The following RFX3 variants were observed in gnomAD, a reference collection of about 807,000 sequenced individuals.
The protein encoded by RFX3 is regulatory factor X3.
RFX3 carries 14 observed loss-of-function variants against 98.6 expected under a neutral mutation model. That is an observed-to-expected ratio of 0.14 (90% CI 0.09 to 0.22). The LOEUF (loss-of-function observed/expected upper bound fraction) is 0.22. Ranked by LOEUF, RFX3 falls within the 10% of genes least tolerant of loss-of-function variation. The probability of loss-of-function intolerance (pLI) is 1.00; values close to 1 mark genes in which losing one functional copy is unlikely to be tolerated. For missense variants in RFX3, 639 were observed against 926.9 expected (o/e 0.69, Z 4.03); for synonymous variants, 383 against 328.4 (o/e 1.17, Z -1.80).
chr9:3,405,814 T>TA (rs1219513638), intron 1 of RFX3, among the ~76,000 whole-genome samples: 1 of 152,192 alleles, frequency 6.6e-6, no homozygotes, highest in Non-Finnish European at 1.5e-5. Flanking sequence ...GCCCTCAGGA[T>TA]AAACTGCAAA....
In RFX3 at chr9:3,262,888, T is replaced by C. The variant is rs750865489; in HGVS notation, c.1605+47A>G. On this transcript the variant is annotated intron_variant, in intron 13 of 16. Coordinates refer to ENST00000617270, the MANE Select transcript of RFX3 (RefSeq NM_001282116.2). ...GATGATCCCAATTAAGAAGAACAAA[T>C]TGGGTATCTTTCCTTAAGAGACATG... 8 of 1,580,422 alleles carry C rather than the reference T, an allele frequency of 5.1e-6. No homozygotes were observed. The African/African-American group carries it at 1.1e-4, about 21-fold the overall frequency.
chr9:3,368,044 T>C (rs1837407531), intron 2 of RFX3, among the ~76,000 whole-genome samples: 1 of 152,214 alleles, frequency 6.6e-6, no homozygotes, highest in Non-Finnish European at 1.5e-5. Context: ...ATTCAATATT[T>C]TGGTAAAATA....
chr9:3,236,630 A>T (rs998867363), intron 15 of RFX3, among the ~76,000 whole-genome samples: 1 of 152,188 alleles, frequency 6.6e-6, no homozygotes, highest in Non-Finnish European at 1.5e-5. Flanking sequence ...AGGTGCTGGC[A>T]TGTTATCAGA....
chr9:3,375,688 T>C (rs1029971353), intron 2 of RFX3, among the ~76,000 whole-genome samples: 1 of 152,176 alleles, frequency 6.6e-6, no homozygotes, highest in South Asian at 2.1e-4. Context: ...TAGCCAGGCA[T>C]GGTGGCTCAC....
At position 3,228,870 on chromosome 9, in the gene RFX3, A is replaced by G. The variant is rs756774067; in HGVS notation, c.1988T>C (p.Val663Ala). The change falls in exon 16 of 17, where the codon GTG becomes GCG. Residue 663 changes from valine to alanine, a missense_variant. Physicochemically the swap from Val to Ala is moderately conservative, Grantham distance 64. Around this residue, in one of 9 missense-constraint regions of RFX3, gnomAD observed 129 missense variants for 124.6 expected, o/e 1.04. Transcript: ENST00000617270. Reference sequence around the variant, plus strand: ...ACCTTTATCCAGATTTCCAGGAGACACGGCATTTAAATCACCAAACTGCAA... The same window carrying G: ...ACCTTTATCCAGATTTCCAGGAGACGCGGCATTTAAATCACCAAACTGCAA... The part of the protein sequence containing the change: ...VMGEFGDLNA[V>A]SPGNLDKDEG... The G allele has an allele frequency of 1.2e-6, 2 of 1,611,100 alleles. No individual in the cohort carries two copies. The highest frequency in any genetic ancestry group is 1.7e-6 in the Non-Finnish European group (2 of 1,179,028).
chr9:3,446,576 A>G (rs1388712152), intron 1 of RFX3, among the ~76,000 whole-genome samples: 1 of 151,354 alleles, frequency 6.6e-6, no homozygotes, highest in Non-Finnish European at 1.5e-5. Context: ...TGTTTAGTGC[A>G]CTCCTTCTGC....
intron 5 of RFX3, among the ~76,000 whole-genome samples, chr9:3,298,420 A>G (rs1004476905): frequency 3.3e-5 from 5 of 151,868 alleles, no homozygotes; most frequent in African/African-American, 1.2e-4. Context: ...AAGGCATCCT[A>G]GAATTCCTAA....
chr9:3,495,027 A>T (rs900851222), intron 1 of RFX3, among the ~76,000 whole-genome samples: 4 of 152,180 alleles, frequency 2.6e-5, no homozygotes, highest in African/African-American at 9.6e-5. Context: ...ATCAATATGA[A>T]GAATTCTAAC....
chr9:3,320,976 A>G (rs934507267), intron 4 of RFX3, among the ~76,000 whole-genome samples: 8 of 143,948 alleles, frequency 5.6e-5, no homozygotes, highest in African/African-American at 2.3e-4. Context: ...ATCTTGGCCC[A>G]CTGCAAACTC....
Position 3,293,108 on chromosome 9 carries a change from T to C in RFX3, c.700A>G (p.Met234Val), listed in dbSNP as rs1221820878. 5.0e-6 allele frequency: 8 copies of C among 1,613,284 alleles called. No individual in the cohort carries two copies. The highest frequency in any genetic ancestry group is 6.8e-6 in the Non-Finnish European group (8 of 1,179,568). ...SFGKLIRSIF[M>V]GLRTRRLGTR... ...CCCAATCTCCTGGTTCGTAGCCCCATAAAAATTGATCTTATTAATTTTCCA... is the reference window on the plus strand; with the variant it reads ...CCCAATCTCCTGGTTCGTAGCCCCACAAAAATTGATCTTATTAATTTTCCA... Residue 234 changes from methionine to valine, a missense_variant, in exon 6 of 17, where the codon ATG becomes GTG. This residue lies in a region of RFX3 where 24 missense variants were observed against 74.5 expected (regional missense o/e 0.32). Transcript: ENST00000617270.
At chr9:3,298,550 G>A (rs1828277135) in intron 5 of RFX3, among the ~76,000 whole-genome samples, 1 of 151,732 alleles carries the variant, frequency 6.6e-6, no homozygotes, top group South Asian at 2.1e-4. Flanking sequence ...ATGCACTGGT[G>A]AACAAAACAT....
At chr9:3,324,252 A>C (rs998285545) in intron 4 of RFX3, 1 of 208,296 alleles carries the variant, frequency 4.8e-6, no homozygotes, top group African/African-American at 2.3e-5. Context: ...CTGTTTTGTC[A>C]CATAAAATAA....
intron 3 of RFX3, among the ~76,000 whole-genome samples, chr9:3,338,918 T>C (rs1169988710): frequency 2.0e-5 from 3 of 151,950 alleles, no homozygotes; most frequent in African/African-American, 7.3e-5. Flanking sequence ...AGAAACCCTG[T>C]CTCTACTAAA....
At chr9:3,261,719 C>A (rs1279388002) in intron 13 of RFX3, among the ~76,000 whole-genome samples, 1 of 152,100 alleles carries the variant, frequency 6.6e-6, no homozygotes, top group East Asian at 1.9e-4. Context: ...TGACAAACTG[C>A]CACACTGTTT....
chr9:3,364,810 G>C (rs2991327), intron 2 of RFX3: 12 of 152,282 alleles, frequency 7.9e-5, no homozygotes, highest in African/African-American at 2.9e-4. Context: ...AGAGAAGGCA[G>C]GTCTTAGGAC....
At chr9:3,291,242 G>C (rs1827288988) in intron 6 of RFX3, among the ~76,000 whole-genome samples, 1 of 151,952 alleles carries the variant, frequency 6.6e-6, no homozygotes, top group African/African-American at 2.4e-5. Flanking sequence ...GAGTGGGGTG[G>C]TGCCTGTAAT....
intron 1 of RFX3, among the ~76,000 whole-genome samples, chr9:3,447,639 C>T (rs989732406): frequency 6.6e-6 from 1 of 152,132 alleles, no homozygotes; most frequent in Non-Finnish European, 1.5e-5. Flanking sequence ...TGTGATCTTT[C>T]AAGGAAAACA....
intron 6 of RFX3, 116 bp from the exon 7 acceptor site, chr9:3,288,366 G>C: frequency 1.3e-6 from 1 of 784,404 alleles, no homozygotes; most frequent in Non-Finnish European, 2.1e-6. Flanking sequence ...GTAAGTTAAT[G>C]TTACATATTT....
chr9:3,505,009 G>A (rs1466871947), intron 1 of RFX3, among the ~76,000 whole-genome samples: 110 of 58,318 alleles, frequency 1.9e-3, no homozygotes, highest in African/African-American at 8.3e-3. Flanking sequence ...TATATAAAAT[G>A]TATAATAAAA....
Sources: gnomAD v4.1 joint callset for allele counts (sites outside exome capture counted in the v4.1 genomes callset) on GRCh38, gnomAD v4.1.1 for gene constraint, gnomAD v4.1.1 regional missense constraint, MANE v1.5 for transcripts, NCBI Gene and HGNC (gene_info 2026-07-23, HGNC 2026-07-21) for gene names.